The following CACNG4 variants were observed in gnomAD, a reference collection of about 807,000 sequenced individuals.
The protein encoded by CACNG4 is voltage-dependent calcium channel gamma-4 subunit.
In CACNG4, 8 loss-of-function variants were observed where a neutral mutation model predicts 22.9. The observed-to-expected ratio is 0.35, with a 90% CI of 0.21 to 0.63. The LOEUF (loss-of-function observed/expected upper bound fraction) is 0.63. Ranked by LOEUF, CACNG4 falls within the 30% of genes least tolerant of loss-of-function variation. The pLI, the probability that CACNG4 is intolerant of heterozygous loss-of-function variation, is 0.72. For missense variants in CACNG4, 357 were observed against 455.4 expected (o/e 0.78, Z 1.97); for synonymous variants, 188 against 191.9 (o/e 0.98, Z 0.17).
chr17:66,970,836 T>G (rs2035199836), intron 1 of CACNG4, among the ~76,000 whole-genome samples: 1 of 152,212 alleles, frequency 6.6e-6, no homozygotes, highest in African/African-American at 2.4e-5. Flanking sequence ...TCACAGCTGG[T>G]GCTTACTCTC....
intron 1 of CACNG4, among the ~76,000 whole-genome samples, chr17:67,014,254 G>A (rs2035484155): frequency 6.6e-6 from 1 of 152,156 alleles, no homozygotes; most frequent in Non-Finnish European, 1.5e-5. Context: ...CATGTGAAGT[G>A]GATTGAAAAT....
intron 1 of CACNG4, among the ~76,000 whole-genome samples, chr17:67,000,742 T>A (rs967988940): frequency 6.6e-6 from 1 of 152,190 alleles, no homozygotes; most frequent in Non-Finnish European, 1.5e-5. Flanking sequence ...GGGAGGGATG[T>A]TTAGTCTGAA....
chr17:67,010,795 G>A (rs2035463692), intron 1 of CACNG4, among the ~76,000 whole-genome samples: 1 of 152,106 alleles, frequency 6.6e-6, no homozygotes, highest in African/African-American at 2.4e-5. Context: ...GAAATGGGGT[G>A]GTGTGGGAGA....
chr17:66,976,922 C>A (rs2035241535), intron 1 of CACNG4, among the ~76,000 whole-genome samples: 1 of 152,220 alleles, frequency 6.6e-6, no homozygotes, highest in Non-Finnish European at 1.5e-5. Context: ...CGTCTCCAGC[C>A]CACTCAGTCA....
chr17:66,981,873 A>G (rs2035276313), intron 1 of CACNG4, among the ~76,000 whole-genome samples: 2 of 152,340 alleles, frequency 1.3e-5, no homozygotes, highest in African/African-American at 2.4e-5. Context: ...ACACTAGTTA[A>G]TTACTTAACT....
intron 2 of CACNG4, among the ~76,000 whole-genome samples, chr17:67,019,257 C>T (rs896685788): frequency 3.3e-5 from 5 of 152,092 alleles, no homozygotes; most frequent in African/African-American, 9.7e-5. Context: ...GAACAGCACG[C>T]GGTTCCCATA....
intron 1 of CACNG4, among the ~76,000 whole-genome samples, chr17:66,994,022 A>T (rs929573907): frequency 1.3e-5 from 1 of 75,912 alleles, no homozygotes; most frequent in African/African-American, 1.3e-4. Flanking sequence ...TATACACATA[A>T]AAAAAAAAAA....
intron 3 of CACNG4, among the ~76,000 whole-genome samples, chr17:67,028,583 G>A (rs1235568072): frequency 1.3e-5 from 2 of 151,956 alleles, no homozygotes; most frequent in East Asian, 1.9e-4. Flanking sequence ...GAAAAAAAAC[G>A]CAATGGATGG....
intron 1 of CACNG4, among the ~76,000 whole-genome samples, chr17:67,016,239 G>C (rs893269601): frequency 5.3e-5 from 8 of 152,276 alleles, no homozygotes; most frequent in African/African-American, 1.9e-4. Flanking sequence ...CAGATGAGGA[G>C]ACCGAGGAGT....
chr17:66,988,164 C>G (rs1175675937), intron 1 of CACNG4, among the ~76,000 whole-genome samples: 1 of 152,034 alleles, frequency 6.6e-6, no homozygotes, highest in African/African-American at 2.4e-5. Context: ...TGTACTGCAC[C>G]TGGGAGCATG....
chr17:67,023,627 A>G (rs1460244933), intron 2 of CACNG4, among the ~76,000 whole-genome samples: 2 of 146,766 alleles, frequency 1.4e-5, no homozygotes, highest in Non-Finnish European at 3.0e-5. Flanking sequence ...GCTGGAGTGC[A>G]ATGGCGCAAT....
intron 1 of CACNG4, among the ~76,000 whole-genome samples, chr17:66,985,425 G>A (rs1352355830): frequency 1.3e-5 from 2 of 152,194 alleles, no homozygotes; most frequent in Admixed American, 6.5e-5. Context: ...CAAACAAAAA[G>A]CAAGAAAAGA....
At position 66,996,220 on chromosome 17, in the gene CACNG4, C is replaced by T. The variant is rs548072286; in HGVS notation, c.221-21969C>T. ...TGATGGCATTCCTGGGTATCTTACT[C>T]GCTAGTGGTAAAGAGGGCAGAAGGC... On this transcript the variant is annotated intron_variant, in intron 1 of 3. Coordinates refer to ENST00000262138, the MANE Select transcript of CACNG4 (RefSeq NM_014405.4). Among the ~76,000 whole-genome samples the T allele has an allele frequency of 2.6e-5, 4 of 151,380 alleles. No homozygotes were observed. In the South Asian group the frequency reaches 6.3e-4, roughly 24 times the overall value.
At chr17:67,015,384 G>A (rs2035491122) in intron 1 of CACNG4, among the ~76,000 whole-genome samples, 1 of 152,080 alleles carries the variant, frequency 6.6e-6, no homozygotes, top group South Asian at 2.1e-4. Context: ...GGACGGGCAG[G>A]AGGGCTTGGG....
rs762993412 is a variant in CACNG4 at position 67,024,958 on chromosome 17, A to G, written c.403A>G (p.Asn135Asp). The G allele has an allele frequency of 6.2e-7, 1 of 1,606,684 alleles. No homozygotes were observed. Among genetic ancestry groups the G allele is most frequent in the South Asian group, 1.1e-5 (1 of 89,806 alleles). The change falls in exon 3 of 4, where the codon AAC becomes GAC. Residue 135 changes from asparagine (N) to aspartate (D), a missense_variant. Physicochemically the swap from Asn to Asp is conservative, Grantham distance 23. This residue lies in a region of CACNG4 where 240 missense variants were observed against 277.6 expected (regional missense o/e 0.86). Transcript: ENST00000262138. ...TGCTGGCAGGATCTACAGCCGCAAG[A>G]ACAACATCGTCCTCAGTGCCGGCAT... ...IGAGRIYSRK[N>D]NIVLSAGILF...
At chr17:67,012,958 G>A (rs2035476941) in intron 1 of CACNG4, among the ~76,000 whole-genome samples, 1 of 152,168 alleles carries the variant, frequency 6.6e-6, no homozygotes, top group African/African-American at 2.4e-5. Context: ...ATATGAATGA[G>A]CACCATCAGC....
At chr17:67,008,875 G>A (rs1234713074) in intron 1 of CACNG4, among the ~76,000 whole-genome samples, 1 of 152,134 alleles carries the variant, frequency 6.6e-6, no homozygotes, top group Non-Finnish European at 1.5e-5. Context: ...CTTGAACCCT[G>A]GAGGTGGAAG....
intron 1 of CACNG4, among the ~76,000 whole-genome samples, chr17:66,970,674 G>A (rs2143271115): frequency 6.6e-6 from 1 of 152,254 alleles, no homozygotes; most frequent in East Asian, 1.9e-4. Context: ...GTCTGATCAT[G>A]ACCCTCACAA....
chr17:66,997,703 G>C (rs775559887), intron 1 of CACNG4, among the ~76,000 whole-genome samples: 20 of 152,184 alleles, frequency 1.3e-4, no homozygotes, highest in Non-Finnish European at 2.5e-4. Context: ...TGTAATCCCA[G>C]CTATGCAGGA....
Sources: gnomAD v4.1 joint callset for allele counts (sites outside exome capture counted in the v4.1 genomes callset) on GRCh38, gnomAD v4.1.1 for gene constraint, gnomAD v4.1.1 regional missense constraint, MANE v1.5 for transcripts, NCBI Gene and HGNC (gene_info 2026-07-23, HGNC 2026-07-21) for gene names.